RPS6KC1: variants seen among roughly 807,000 people sequenced by gnomAD.
RPS6KC1 encodes the protein inactive ribosomal protein S6 kinase delta-1.
RPS6KC1 carries 54 observed loss-of-function variants against 103.8 expected under a neutral mutation model. That is an observed-to-expected ratio of 0.52 (90% CI 0.42 to 0.65). The LOEUF (loss-of-function observed/expected upper bound fraction) is 0.65. RPS6KC1 is among the 30% of genes least tolerant of loss of function. RPS6KC1 has a pLI of 0.00. For missense variants in RPS6KC1, 1,151 were observed against 1,253.8 expected (o/e 0.92, Z 1.24); for synonymous variants, 439 against 438.7 (o/e 1.00, Z -0.01).
the RPS6KC1 span, among the ~76,000 whole-genome samples, chr1:213,547,783 G>A: frequency 7.5e-4 from 114 of 152,136 alleles, no homozygotes; most frequent in African/African-American, 2.3e-3. Flanking sequence ...ACTTTCCACC[G>A]TGAGTGGAAA....
rs552809934 is a variant in RPS6KC1, at chr1:213,214,233, C to T, written c.1045-16264C>T. 1.6e-4 allele frequency among the ~76,000 whole-genome samples: 25 copies of T among 152,372 alleles called. No individual in the cohort carries two copies. In the South Asian group the frequency reaches 2.9e-3, roughly 18 times the overall value. On this transcript the variant is annotated intron_variant, in intron 8 of 14. Coordinates refer to ENST00000366960, the MANE Select transcript of RPS6KC1 (RefSeq NM_012424.6). ...AACGGCACACCAGAAGATTATATCC[C>T]GCGCCTGGCTTGAAGGGTCCTACGT...
At chr1:213,408,545 G>C in the RPS6KC1 span, among the ~76,000 whole-genome samples, 1 of 152,286 alleles carries the variant, frequency 6.6e-6, no homozygotes, top group Non-Finnish European at 1.5e-5. Context: ...ACTTTAAGCC[G>C]AAACTGAGGT....
the RPS6KC1 span, among the ~76,000 whole-genome samples, chr1:213,518,144 C>T: frequency 3.2e-3 from 486 of 152,168 alleles, 7 homozygotes; most frequent in African/African-American, 0.011. Context: ...TGTAAAAATT[C>T]CAGTTTTAAA....
chr1:213,836,275 C>T, the RPS6KC1 span, among the ~76,000 whole-genome samples: 1 of 151,596 alleles, frequency 6.6e-6, no homozygotes, highest in Admixed American at 6.6e-5. Flanking sequence ...GTCAATTCTC[C>T]CCAAATTATT....
chr1:213,182,777 CGATATATAT>C (rs1558492006), intron 8 of RPS6KC1, among the ~76,000 whole-genome samples: 2 of 146,024 alleles, frequency 1.4e-5, no homozygotes, highest in Non-Finnish European at 3.0e-5. Flanking sequence ...ACATATATAT[CGATATATAT>C]GATATATATA....
chr1:213,261,221 G>A (rs1356228670), intron 12 of RPS6KC1, among the ~76,000 whole-genome samples: 1 of 152,124 alleles, frequency 6.6e-6, no homozygotes, highest in African/African-American at 2.4e-5. Context: ...AATCACCCAT[G>A]AGGTAGAATT....
chr1:213,492,134 C>A, the RPS6KC1 span, among the ~76,000 whole-genome samples: 1 of 152,160 alleles, frequency 6.6e-6, no homozygotes, highest in Non-Finnish European at 1.5e-5. Context: ...CGGCATGACA[C>A]CATTGTGTGC....
the RPS6KC1 span, among the ~76,000 whole-genome samples, chr1:213,653,790 T>C: frequency 6.6e-6 from 1 of 152,232 alleles, no homozygotes; most frequent in Non-Finnish European, 1.5e-5. Flanking sequence ...TTTTAATTTC[T>C]AGTTTCCTTA....
rs760750371 is a variant in RPS6KC1, at chr1:213,104,407, G to T, written c.263-47G>T. The T allele has an allele frequency of 1.1e-5, 14 of 1,227,292 alleles. No individual in the cohort carries two copies. In the African/African-American group the frequency reaches 1.8e-4, roughly 16 times the overall value. 76.0% of individuals were successfully genotyped at this position (1,227,292 alleles called of 1,614,324 possible). A position where few individuals can be genotyped will look rare whatever the true frequency, so the allele number is the denominator to read the frequency against. On this transcript the variant is annotated intron_variant, in intron 3 of 14. Transcript: ENST00000366960. ...TGTGGACGTAAACTATCATAAACCAGTGTTTGATCATTCTTCCCTTAAGTG... is the reference window on the plus strand; with the variant it reads ...TGTGGACGTAAACTATCATAAACCATTGTTTGATCATTCTTCCCTTAAGTG...
chr1:213,541,694 T>C, the RPS6KC1 span, among the ~76,000 whole-genome samples: 1 of 152,112 alleles, frequency 6.6e-6, no homozygotes, highest in Non-Finnish European at 1.5e-5. Context: ...AAAGGACACA[T>C]ATTCAAGGAG....
At chr1:213,247,116 T>C (rs747013322) in intron 12 of RPS6KC1, among the ~76,000 whole-genome samples, 21 of 152,206 alleles carry the variant, frequency 1.4e-4, no homozygotes, top group Non-Finnish European at 4.4e-5. Flanking sequence ...ATATTTGTCA[T>C]TGAATACTTT....
At chr1:213,514,288 G>T in the RPS6KC1 span, among the ~76,000 whole-genome samples, 1 of 152,002 alleles carries the variant, frequency 6.6e-6, no homozygotes, top group Non-Finnish European at 1.5e-5. Flanking sequence ...GTGCAGGTTT[G>T]TTACATATGT....
chr1:213,513,062 C>G, the RPS6KC1 span, among the ~76,000 whole-genome samples: 1 of 152,192 alleles, frequency 6.6e-6, no homozygotes. Context: ...CTGGTCTGAA[C>G]TATCCTGGTG....
At chr1:213,718,760 G>A in the RPS6KC1 span, among the ~76,000 whole-genome samples, 14 of 152,198 alleles carry the variant, frequency 9.2e-5, no homozygotes, top group Admixed American at 9.2e-4. Flanking sequence ...CTTTGGGGGA[G>A]GAGGTGCTTC....
Position 213,137,756 on chromosome 1 carries a change from T to G in RPS6KC1, c.835+7867T>G, listed in dbSNP as rs564179778. 1.6e-4 allele frequency among the ~76,000 whole-genome samples: 4 copies of G among 24,858 alleles called. No individual in the cohort carries two copies. In the South Asian group the frequency reaches 7.2e-3, roughly 45 times the overall value. 16.3% of individuals were successfully genotyped at this position (24,858 alleles called of 152,430 possible). On this transcript the variant is annotated intron_variant, in intron 6 of 14. Transcript: ENST00000366960. ...GCTTTGGTTTAAGTCCAGTTTGCTC[T>G]CTCTCTCTCTCTCTCTCTCTCTATA...
At chr1:213,481,168 T>C in the RPS6KC1 span, among the ~76,000 whole-genome samples, 1 of 152,208 alleles carries the variant, frequency 6.6e-6, no homozygotes, top group East Asian at 1.9e-4. Flanking sequence ...ATTCCGTTTT[T>C]TATTTAAACA....
chr1:213,078,816 G>T lies in RPS6KC1; in HGVS notation c.262+1000G>T, dbSNP rs182232722. Among the ~76,000 whole-genome samples the T allele has an allele frequency of 2.1e-3, 315 of 152,220 alleles. 1 individual carries two copies. Among genetic ancestry groups the T allele is most frequent in the African/African-American group, 7.0e-3 (289 of 41,534 alleles). On this transcript the variant is annotated intron_variant, in intron 3 of 14. Transcript: ENST00000366960. ...GACAATTTTTTTTCAGGTTATGAAA[G>T]TAGTATATGCAAATAACTCAGGTGG...
At chr1:213,664,249 G>A in the RPS6KC1 span, among the ~76,000 whole-genome samples, 1 of 152,022 alleles carries the variant, frequency 6.6e-6, no homozygotes, top group Non-Finnish European at 1.5e-5. Context: ...AGGGGGCAGC[G>A]GGAAGCAGGA....
chr1:213,810,900 A>C, the RPS6KC1 span, among the ~76,000 whole-genome samples: 2,604 of 152,356 alleles, frequency 0.017, 86 homozygotes, highest in African/African-American at 0.059. Flanking sequence ...TGGCTGGTCT[A>C]GAATTCAAAC....
Sources: gnomAD v4.1 joint callset for allele counts (sites outside exome capture counted in the v4.1 genomes callset) on GRCh38, gnomAD v4.1.1 for gene constraint, MANE v1.5 for transcripts, NCBI Gene and HGNC (gene_info 2026-07-23, HGNC 2026-07-21) for gene names.